LARGE1: variants seen among roughly 807,000 people sequenced by gnomAD.
LARGE1 encodes the protein xylosyl- and glucuronyltransferase LARGE1.
LARGE1 carries 43 observed loss-of-function variants against 87.6 expected under a neutral mutation model. The observed-to-expected ratio is 0.49, with a 90% CI of 0.38 to 0.63. LARGE1 has a LOEUF of 0.63. Ranked by LOEUF, LARGE1 falls within the 30% of genes least tolerant of loss-of-function variation. LARGE1 has a pLI of 0.00. For synonymous variants in LARGE1, 434 were observed against 394.6 expected (o/e 1.10, Z -1.18); for missense variants, 802 against 1,000.2 (o/e 0.80, Z 2.67).
intron 11 of LARGE1, among the ~76,000 whole-genome samples, chr22:33,261,163 C>T (rs565711286): frequency 1.3e-5 from 2 of 152,188 alleles, no homozygotes; most frequent in Non-Finnish European, 2.9e-5. Context: ...GAACAAGACA[C>T]GGTCCTTTCT....
At chr22:33,414,341 A>G (rs1385661138) in intron 7 of LARGE1, among the ~76,000 whole-genome samples, 2 of 152,130 alleles carry the variant, frequency 1.3e-5, no homozygotes, top group South Asian at 2.1e-4. Context: ...TTAATAGGTA[A>G]AAGTTTCTGT....
At chr22:33,604,968 C>T (rs140189323) in intron 4 of LARGE1, among the ~76,000 whole-genome samples, 2,440 of 151,836 alleles carry the variant, frequency 0.016, 63 homozygotes, top group Admixed American at 0.066. Flanking sequence ...TGGCTGCAGG[C>T]GGCTGGCAAG....
At chr22:33,241,578 G>GTA (rs1041313418) in intron 11 of LARGE1, among the ~76,000 whole-genome samples, 1 of 151,392 alleles carries the variant, frequency 6.6e-6, no homozygotes, top group African/African-American at 2.4e-5. Context: ...ATATATGTGT[G>GTA]TATATGTGTG....
chr22:33,164,967 G>C (rs1015660688), exon 12 of LARGE1: 2 of 152,162 alleles, frequency 1.3e-5, no homozygotes, highest in African/African-American at 2.4e-5. Flanking sequence ...GGTACTCATG[G>C]ACAAAAAGAT....
At chr22:33,234,692 C>A (rs1417401545) in intron 11 of LARGE1, among the ~76,000 whole-genome samples, 2 of 152,038 alleles carry the variant, frequency 1.3e-5, no homozygotes, top group Admixed American at 6.6e-5. Flanking sequence ...CAGGCATGAG[C>A]CACCATGCCC....
intron 11 of LARGE1, among the ~76,000 whole-genome samples, chr22:33,189,184 G>T (rs137410): frequency 0.61 from 92,219 of 151,960 alleles, 28,210 homozygotes; most frequent in Middle Eastern, 0.68. Flanking sequence ...TACAGTAGCC[G>T]TTGGTGTGCC....
chr22:33,306,861 CA>C lies in LARGE1; in HGVS notation c.1452-2355del, dbSNP rs200525916. ...TGCACTCCAGAGTGAGAATCTGTCT[CA>C]AAAAAAAAAAAAAAAAGAATAGAGA... is the stretch of plus-strand genomic sequence containing the variant. On this transcript the variant is annotated intron_variant, in intron 11 of 14. Transcript: ENST00000397394. Among the ~76,000 whole-genome samples the C allele has an allele frequency of 8.5e-3, 860 of 101,302 alleles. 3 individuals carry two copies. The highest frequency in any genetic ancestry group is 0.015 in the East Asian group (46 of 3,114). 66.5% of individuals were successfully genotyped at this position (101,302 alleles called of 152,430 possible).
chr22:33,342,037 TG>T (rs1241166632), intron 9 of LARGE1, among the ~76,000 whole-genome samples: 2 of 152,096 alleles, frequency 1.3e-5, no homozygotes, highest in African/African-American at 4.8e-5. Context: ...GACGTATGAG[TG>T]TGCAATATGT....
chr22:33,489,368 T>C (rs1260267752), intron 6 of LARGE1, among the ~76,000 whole-genome samples: 3 of 152,204 alleles, frequency 2.0e-5, no homozygotes, highest in African/African-American at 7.2e-5. Flanking sequence ...AACACTTCAC[T>C]ATGCGCAGGG....
chr22:33,885,447 C>A (rs118103861), intron 1 of LARGE1, among the ~76,000 whole-genome samples: 3 of 152,166 alleles, frequency 2.0e-5, no homozygotes, highest in African/African-American at 7.2e-5. Flanking sequence ...CCCCCTAAGC[C>A]TCAGTCTGTT....
At chr22:33,833,194 T>C (rs953979235) in intron 1 of LARGE1, among the ~76,000 whole-genome samples, 1 of 152,252 alleles carries the variant, frequency 6.6e-6, no homozygotes, top group Non-Finnish European at 1.5e-5. Context: ...ACTAATGTAA[T>C]ACTGAAACAT....
chr22:33,141,852 C>A, the LARGE1 span, among the ~76,000 whole-genome samples: 1 of 152,180 alleles, frequency 6.6e-6, no homozygotes, highest in Non-Finnish European at 1.5e-5. Context: ...TTTCTACTGA[C>A]TACTTTTACT....
At chr22:33,642,961 ACCCC>A (rs2080490942) in intron 3 of LARGE1, among the ~76,000 whole-genome samples, 1 of 152,126 alleles carries the variant, frequency 6.6e-6, no homozygotes, top group South Asian at 2.1e-4. Flanking sequence ...AGACTTTAAT[ACCCC>A]ATTGTCAGTA....
chr22:33,605,170 C>T (rs2079218806), intron 4 of LARGE1, among the ~76,000 whole-genome samples: 1 of 151,990 alleles, frequency 6.6e-6, no homozygotes. Flanking sequence ...CAATGGCCTC[C>T]AGCCTCTACT....
chr22:33,784,630 A>G (rs1341158859), intron 1 of LARGE1, among the ~76,000 whole-genome samples: 1 of 152,208 alleles, frequency 6.6e-6, no homozygotes, highest in Non-Finnish European at 1.5e-5. Context: ...TAAAAGTGGC[A>G]TTCTACCCTC....
At chr22:33,127,392 A>T in the LARGE1 span, among the ~76,000 whole-genome samples, 110 of 152,330 alleles carry the variant, frequency 7.2e-4, 1 homozygote, top group African/African-American at 2.6e-3. Flanking sequence ...GAACAAGACA[A>T]TGACTCAAGT....
At chr22:33,582,592 T>C (rs1225840687) in intron 5 of LARGE1, among the ~76,000 whole-genome samples, 8 of 152,234 alleles carry the variant, frequency 5.3e-5, no homozygotes, top group Non-Finnish European at 2.9e-5. Flanking sequence ...GAACTAGCCA[T>C]TGGCTGCCAT....
intron 5 of LARGE1, among the ~76,000 whole-genome samples, chr22:33,584,687 AT>A (rs2078618925): frequency 6.6e-6 from 1 of 151,884 alleles, no homozygotes; most frequent in African/African-American, 2.4e-5. Flanking sequence ...AAAAAAAAAA[AT>A]GAAAACTCAG....
chr22:33,104,119 A>G, the LARGE1 span, among the ~76,000 whole-genome samples: 1 of 152,240 alleles, frequency 6.6e-6, no homozygotes, highest in Middle Eastern at 3.2e-3. Flanking sequence ...GTATCCAAAA[A>G]GAAACACAGA....
Sources: allele counts gnomAD v4.1 joint callset (sites outside exome capture counted in the v4.1 genomes callset), GRCh38; gene constraint gnomAD v4.1.1; transcripts MANE v1.5; gene names NCBI Gene and HGNC (gene_info 2026-07-23, HGNC 2026-07-21).